The following MALRD1 variants were observed in gnomAD, a reference collection of about 807,000 sequenced individuals.
MALRD1 encodes the protein MAM and LDL-receptor class A domain-containing protein 1.
Under a neutral mutation model 242.1 loss-of-function variants are expected in MALRD1, and 247 were observed. The ratio of observed to expected loss-of-function variants is 1.02; its 90% confidence interval spans 0.92 to 1.13. MALRD1 has a LOEUF of 1.13. MALRD1 is among the 50% of genes most tolerant of loss of function. The pLI is 0.00. For synonymous variants in MALRD1, 995 were observed against 866.6 expected, an observed-to-expected ratio of 1.15 and a Z score of -2.60; for missense variants, 2,989 against 2,533.1, an observed-to-expected ratio of 1.18 and a Z score of -3.86.
At chr10:19,286,626 G>A (rs920679571) in intron 21 of MALRD1, among the ~76,000 whole-genome samples, 32 of 152,062 alleles carry the variant, frequency 2.1e-4, no homozygotes, top group African/African-American at 7.2e-4. Flanking sequence ...CCAGGAAGAA[G>A]TTGAATCTCT....
intron 29 of MALRD1, among the ~76,000 whole-genome samples, chr10:19,482,700 A>ACACACAC (rs1837054058): frequency 8.8e-6 from 1 of 113,358 alleles, no homozygotes; most frequent in Non-Finnish European, 2.0e-5. Context: ...CATACACACA[A>ACACACAC]AGCAAAAAAT....
At chr10:19,413,209 C>T (rs1833354662) in intron 28 of MALRD1, among the ~76,000 whole-genome samples, 1 of 151,968 alleles carries the variant, frequency 6.6e-6, no homozygotes, top group African/African-American at 2.4e-5. Context: ...ACTTCATAGC[C>T]CTTGATAACG....
At chr10:19,071,227 G>T (rs2131256033) in intron 2 of MALRD1, among the ~76,000 whole-genome samples, 1 of 151,880 alleles carries the variant, frequency 6.6e-6, no homozygotes, top group African/African-American at 2.4e-5. Flanking sequence ...GCTGCTAGAA[G>T]GGCTCCCTAC....
intron 28 of MALRD1, among the ~76,000 whole-genome samples, chr10:19,402,027 C>A (rs1187957209): frequency 6.6e-6 from 1 of 152,148 alleles, no homozygotes; most frequent in Non-Finnish European, 1.5e-5. Flanking sequence ...CCAAAAACTA[C>A]GTGATATCTA....
intron 28 of MALRD1, among the ~76,000 whole-genome samples, chr10:19,402,024 C>G (rs1007496718): frequency 1.3e-5 from 2 of 152,174 alleles, no homozygotes; most frequent in African/African-American, 2.4e-5. Context: ...AAGCCAAAAA[C>G]TACGTGATAT....
chr10:19,706,177 A>C, intron 38 of MALRD1, among the ~76,000 whole-genome samples: 1 of 152,238 alleles, frequency 6.6e-6, no homozygotes, highest in East Asian at 1.9e-4. Context: ...GAAAATGCAG[A>C]AACTTGTGGT....
At chr10:19,177,229 G>A (rs1292031838) in intron 14 of MALRD1, among the ~76,000 whole-genome samples, 1 of 149,448 alleles carries the variant, frequency 6.7e-6, no homozygotes, top group Non-Finnish European at 1.5e-5. Flanking sequence ...GTAGTGAGCC[G>A]AGATCGCGCC....
intron 24 of MALRD1, among the ~76,000 whole-genome samples, chr10:19,342,574 T>A (rs1285241873): frequency 6.6e-6 from 1 of 152,166 alleles, no homozygotes; most frequent in Non-Finnish European, 1.5e-5. Context: ...TAGTCATATA[T>A]AAATACTAAT....
At chr10:19,149,809 C>G (rs527407622) in intron 11 of MALRD1, among the ~76,000 whole-genome samples, 86 of 152,176 alleles carry the variant, frequency 5.7e-4, no homozygotes, top group African/African-American at 1.6e-3. Context: ...TATTCCTGCC[C>G]AACACATTTT....
At chr10:19,238,406 GTATAATATATAATATACATTATA>G (rs1481611879) in intron 18 of MALRD1, among the ~76,000 whole-genome samples, 641 of 52,892 alleles carry the variant, frequency 0.012, 38 homozygotes, top group African/African-American at 0.04. Context: ...TATATATTAT[GTATAATATATAATATACATTATA>G]TATAATATAT....
chr10:19,270,306 GTCTC>G (rs1180654413), intron 19 of MALRD1, among the ~76,000 whole-genome samples: 53 of 142,168 alleles, frequency 3.7e-4, no homozygotes, highest in African/African-American at 1.3e-3. Context: ...CAGTGAGACT[GTCTC>G]TCTCTCTTCT....
chr10:19,148,801 A>ATG (rs1415661641), intron 11 of MALRD1, among the ~76,000 whole-genome samples: 6 of 144,294 alleles, frequency 4.2e-5, no homozygotes, highest in Admixed American at 6.9e-5. Flanking sequence ...ATATATATAT[A>ATG]TATATATATC....
chr10:19,257,230 A>T (rs1279495261), intron 18 of MALRD1, among the ~76,000 whole-genome samples: 4 of 152,078 alleles, frequency 2.6e-5, no homozygotes, highest in African/African-American at 9.7e-5. Context: ...AAGCCCTTAA[A>T]ACTGTATATC....
intron 21 of MALRD1, among the ~76,000 whole-genome samples, chr10:19,306,251 C>G (rs1302742440): frequency 2.4e-5 from 3 of 126,864 alleles, no homozygotes; most frequent in East Asian, 2.3e-4. Context: ...ATATACTATA[C>G]TATAGTATAG....
intron 29 of MALRD1, among the ~76,000 whole-genome samples, chr10:19,475,287 C>T (rs1244900249): frequency 1.3e-5 from 2 of 152,018 alleles, no homozygotes; most frequent in Non-Finnish European, 1.5e-5. Flanking sequence ...TGGTGGTGGG[C>T]GCCTGTAGTC....
intron 26 of MALRD1, among the ~76,000 whole-genome samples, chr10:19,362,256 G>A (rs563820665): frequency 6.6e-6 from 1 of 152,076 alleles, no homozygotes; most frequent in African/African-American, 2.4e-5. Flanking sequence ...CTCTGCTATG[G>A]AAACCACCAT....
intron 11 of MALRD1, among the ~76,000 whole-genome samples, chr10:19,149,079 T>TCTATCTAC (rs1468531432): frequency 8.4e-6 from 1 of 118,424 alleles, no homozygotes; most frequent in Admixed American, 8.3e-5. Context: ...TATCTGTCCA[T>TCTATCTAC]CTATCTATCT....
At chr10:19,328,158 AGTAAG>A (rs1380514472) in intron 23 of MALRD1, among the ~76,000 whole-genome samples, 1 of 152,166 alleles carries the variant, frequency 6.6e-6, no homozygotes, top group Non-Finnish European at 1.5e-5. Context: ...TTGTGATAGT[AGTAAG>A]AGGATCAGAC....
chr10:19,587,199 C>A (rs151108654), intron 33 of MALRD1, among the ~76,000 whole-genome samples: 2 of 152,362 alleles, frequency 1.3e-5, no homozygotes, highest in South Asian at 4.1e-4. Flanking sequence ...GCGTCACTCA[C>A]GCTAGGAGCT....
Sources: allele counts gnomAD v4.1 joint callset (sites outside exome capture counted in the v4.1 genomes callset), GRCh38; gene constraint gnomAD v4.1.1; transcripts MANE v1.5; gene names NCBI Gene and HGNC (gene_info 2026-07-23, HGNC 2026-07-21).